The following KIAA1217 variants were observed in gnomAD, a reference collection of about 807,000 sequenced individuals.
KIAA1217 encodes sickle tail protein homolog.
KIAA1217 carries 88 observed loss-of-function variants against 163.9 expected under a neutral mutation model. The ratio of observed to expected loss-of-function variants is 0.54; its 90% CI spans 0.45 to 0.64. KIAA1217 has a LOEUF of 0.64. Among genes scored for constraint, KIAA1217 ranks in the 30% least tolerant of loss-of-function variants. The pLI is 0.00. For missense variants in KIAA1217, 2,372 were observed against 2,475.0 expected, an observed-to-expected ratio of 0.96 and a Z score of 0.88; for synonymous variants, 903 against 923.1, an observed-to-expected ratio of 0.98 and a Z score of 0.39.
intron 2 of KIAA1217, among the ~76,000 whole-genome samples, chr10:24,157,303 A>G (rs1589710411): frequency 6.6e-6 from 1 of 152,200 alleles, no homozygotes; most frequent in Non-Finnish European, 1.5e-5. Context: ...TTTCAGATGT[A>G]TCCATAGAAA....
At chr10:23,961,599 C>A (rs538577381) in intron 1 of KIAA1217, among the ~76,000 whole-genome samples, 2 of 152,104 alleles carry the variant, frequency 1.3e-5, no homozygotes, top group Non-Finnish European at 2.9e-5. Flanking sequence ...TTAAAATAAC[C>A]CTTCAGCTTT....
Position 24,368,614 on chromosome 10 carries a change from A to G in KIAA1217, c.355-12255A>G, listed in dbSNP as rs115822263. ...AAATCGAAGGTGATCTTCCCCCTTT[A>G]GTGAATGAGTAACTCTCAGATCCTC... On this transcript the variant is annotated intron_variant, in intron 2 of 20. Coordinates refer to ENST00000376454, the MANE Select transcript of KIAA1217 (RefSeq NM_019590.5). 9.1e-3 allele frequency among the ~76,000 whole-genome samples: 1,388 copies of G among 152,308 alleles called. 16 individuals carry two copies. The highest frequency in any genetic ancestry group is 0.031 in the African/African-American group (1,284 of 41,566).
At chr10:24,400,814 T>C (rs1198278775) in intron 3 of KIAA1217, among the ~76,000 whole-genome samples, 3 of 152,052 alleles carry the variant, frequency 2.0e-5, no homozygotes, top group Non-Finnish European at 2.9e-5. Context: ...GGGCCACCTA[T>C]GTCTGAGAGG....
chr10:23,971,797 G>T (rs752071245), intron 1 of KIAA1217, among the ~76,000 whole-genome samples: 3 of 152,066 alleles, frequency 2.0e-5, no homozygotes, highest in Admixed American at 6.5e-5. Context: ...TAAGAGGTTG[G>T]CACCTTTTTA....
chr10:23,869,144 T>C (rs1438609790), intron 1 of KIAA1217, among the ~76,000 whole-genome samples: 1 of 145,070 alleles, frequency 6.9e-6, no homozygotes, highest in Admixed American at 6.9e-5. Flanking sequence ...TTTTTTTTTT[T>C]TTTTTTTTTT....
intron 2 of KIAA1217, among the ~76,000 whole-genome samples, chr10:24,105,677 T>G (rs1192419191): frequency 6.6e-6 from 1 of 152,230 alleles, no homozygotes; most frequent in African/African-American, 2.4e-5. Context: ...CTGAGCAGAA[T>G]AGTTGCATTC....
At chr10:24,146,380 A>G (rs977692758) in intron 2 of KIAA1217, among the ~76,000 whole-genome samples, 1 of 152,258 alleles carries the variant, frequency 6.6e-6, no homozygotes, top group African/African-American at 2.4e-5. Flanking sequence ...AAGAGAATCC[A>G]GGCACCAGAG....
chr10:23,713,243 C>G (rs189707144), intron 1 of KIAA1217, among the ~76,000 whole-genome samples: 125 of 152,212 alleles, frequency 8.2e-4, no homozygotes, highest in African/African-American at 2.9e-3. Context: ...GGTTTGGTAA[C>G]ACTGTTTTTG....
Position 24,155,876 on chromosome 10 carries a change from A to G in KIAA1217, c.-170-63750A>G, listed in dbSNP as rs538135695. 2.0e-4 allele frequency among the ~76,000 whole-genome samples: 31 copies of G among 152,224 alleles called. No homozygotes were observed. The South Asian group carries it at 5.6e-3, about 27-fold the overall frequency. On this transcript the variant is annotated intron_variant, in intron 2 of 18. Transcript: ENST00000376462. Reference sequence around the variant, plus strand: ...ACTGTCTCTGGGGATCATTTGGGCCACTCTGTGACCTGAAGTTGAGCTAAG... The same window carrying G: ...ACTGTCTCTGGGGATCATTTGGGCCGCTCTGTGACCTGAAGTTGAGCTAAG...
In KIAA1217 at chr10:24,327,594, G is replaced by A. The variant is rs577537114; in HGVS notation, c.355-53275G>A. The stretch of plus-strand genomic sequence containing the variant: ...CAGCCTCAAACTCCTGGGTTGAAGC[G>A]ATCCTCCCACCTCAGCCTCCCAAGT... On this transcript the variant is annotated intron_variant, in intron 2 of 20. Coordinates refer to ENST00000376454, the MANE Select transcript of KIAA1217 (RefSeq NM_019590.5). Among the ~76,000 whole-genome samples, 147 of 152,080 alleles carry A rather than the reference G, an allele frequency of 9.7e-4. 1 individual carries two copies. Among genetic ancestry groups the A allele is most frequent in the Non-Finnish European group, 1.6e-3 (112 of 67,976 alleles).
At chr10:24,274,558 A>G (rs147183309) in intron 2 of KIAA1217, among the ~76,000 whole-genome samples, 137 of 152,322 alleles carry the variant, frequency 9.0e-4, no homozygotes, top group Non-Finnish European at 1.1e-3. Context: ...GTTTGAAAAT[A>G]CAGTCAATTC....
At position 24,390,597 on chromosome 10, in the gene KIAA1217, T is replaced by A. The variant is rs571320032; in HGVS notation, c.553+9530T>A. Among the ~76,000 whole-genome samples, 199 of 151,892 alleles carry A rather than the reference T, an allele frequency of 1.3e-3. 2 individuals carry two copies. In the Middle Eastern group the frequency reaches 0.014, roughly 10 times the overall value. On this transcript the variant is annotated intron_variant, in intron 3 of 20. Coordinates refer to ENST00000376454, the MANE Select transcript of KIAA1217 (RefSeq NM_019590.5). ...GGAGGGAGGGAAGGAAGGAAATGAATAAATGTCCTTTATACTCAGCAGGAG... is the reference window on the plus strand; with the variant it reads ...GGAGGGAGGGAAGGAAGGAAATGAAAAAATGTCCTTTATACTCAGCAGGAG...
chr10:24,521,041 A>AG (rs1299586242), intron 11 of KIAA1217, among the ~76,000 whole-genome samples: 1 of 136,506 alleles, frequency 7.3e-6, no homozygotes, highest in African/African-American at 2.9e-5. Flanking sequence ...AAAAAAAAAA[A>AG]GTTTTTTTTT....
At chr10:24,309,350 G>GCACACA (rs760597469) in intron 2 of KIAA1217, among the ~76,000 whole-genome samples, 38 of 132,338 alleles carry the variant, frequency 2.9e-4, no homozygotes, top group Middle Eastern at 3.6e-3. Flanking sequence ...ACGCGCGCGC[G>GCACACA]CACACACACA....
chr10:23,935,655 A>C (rs1193194536), intron 1 of KIAA1217, among the ~76,000 whole-genome samples: 1 of 141,034 alleles, frequency 7.1e-6, no homozygotes, highest in Non-Finnish European at 1.5e-5. Context: ...GATAAAACAA[A>C]TAAAAGGTAC....
chr10:23,857,118 C>T (rs979763365), intron 1 of KIAA1217, among the ~76,000 whole-genome samples: 19 of 152,218 alleles, frequency 1.2e-4, no homozygotes, highest in Admixed American at 9.8e-4. Flanking sequence ...AGGCTGGGAG[C>T]TGTAGACTGG....
intron 5 of KIAA1217, chr10:24,466,685 C>G: frequency 1.0e-6 from 1 of 985,326 alleles, no homozygotes; most frequent in Non-Finnish European, 1.2e-6. Flanking sequence ...AAGTGTGCAA[C>G]CAAGGATTTA....
At chr10:24,317,003 G>T (rs1231345538) in intron 2 of KIAA1217, among the ~76,000 whole-genome samples, 11 of 152,122 alleles carry the variant, frequency 7.2e-5, no homozygotes, top group Admixed American at 6.6e-4. Flanking sequence ...TACGCTGAGT[G>T]TGTGGGGGGC....
intron 1 of KIAA1217, among the ~76,000 whole-genome samples, chr10:23,792,799 G>A (rs1364099707): frequency 6.6e-6 from 1 of 151,952 alleles, no homozygotes; most frequent in Non-Finnish European, 1.5e-5. Flanking sequence ...ACTGCGCCCG[G>A]TCTCTTTTTA....
Sources: allele counts gnomAD v4.1 joint callset (sites outside exome capture counted in the v4.1 genomes callset), GRCh38; gene constraint gnomAD v4.1.1; transcripts MANE v1.5; gene names NCBI Gene and HGNC (gene_info 2026-07-23, HGNC 2026-07-21).